The following ZNF445 variants were observed in gnomAD, a reference collection of about 807,000 sequenced individuals.
ZNF445 encodes zinc finger protein 445, also known as zinc finger protein 168.
A neutral mutation model predicts 93.9 loss-of-function variants in ZNF445; 19 were observed. The observed-to-expected ratio is 0.20, with a 90% CI of 0.14 to 0.30. The LOEUF (loss-of-function observed/expected upper bound fraction) is 0.30. Among genes scored for constraint, ZNF445 ranks in the 10% least tolerant of loss-of-function variants. The pLI is 1.00. For missense variants in ZNF445, 1,058 were observed against 1,259.4 expected (o/e 0.84, Z 2.42); for synonymous variants, 449 against 446.3 (o/e 1.01, Z -0.08).
chr3:44,443,857 G>C lies in ZNF445; in HGVS notation c.*2718C>G, dbSNP rs955212395. The C allele has an allele frequency of 2.6e-5, 4 of 152,086 alleles. No homozygotes were observed. Among genetic ancestry groups the C allele is most frequent in the African/African-American group, 9.7e-5 (4 of 41,402 alleles). The allele number at this position is 152,086 out of a possible 1,614,324, so 9.4% of individuals were successfully genotyped here. ...CACATTTCATTCTATAAAAATGACA[G>C]GTCAGGCACAGTGGCTCACGCCTGT... On this transcript the variant is annotated 3_prime_UTR_variant, in exon 8 of 8. Transcript: ENST00000396077.
intron 1 of ZNF445, among the ~76,000 whole-genome samples, chr3:44,466,930 T>C (rs1290034016): frequency 6.6e-6 from 1 of 152,226 alleles, no homozygotes; most frequent in African/African-American, 2.4e-5. Context: ...GTAACCAAAA[T>C]TCCTAGTCAA....
chr3:44,474,359 A>T (rs1698312831), intron 1 of ZNF445, among the ~76,000 whole-genome samples: 1 of 152,146 alleles, frequency 6.6e-6, no homozygotes, highest in South Asian at 2.1e-4. Context: ...TACTAAAAAT[A>T]CAAAATTAGC....
intron 1 of ZNF445, among the ~76,000 whole-genome samples, chr3:44,475,927 A>G (rs1698344718): frequency 6.6e-6 from 1 of 152,192 alleles, no homozygotes; most frequent in African/African-American, 2.4e-5. Context: ...TGAACCCAGG[A>G]GGCGGAGGCT....
intron 2 of ZNF445, 96 bp from the exon 3 acceptor site, chr3:44,455,792 T>C: frequency 2.1e-6 from 1 of 467,752 alleles, no homozygotes; most frequent in Non-Finnish European, 3.8e-6. Context: ...GAAGAGCGTT[T>C]GCACAAAGGT....
chr3:44,452,312 C>T (rs954153530), intron 3 of ZNF445, among the ~76,000 whole-genome samples: 3 of 145,520 alleles, frequency 2.1e-5, no homozygotes, highest in African/African-American at 7.7e-5. Context: ...GAACTGACCA[C>T]AATAATTTAT....
At position 44,475,253 on chromosome 3, in the gene ZNF445, C is replaced by T. The variant is rs190263200; in HGVS notation, c.-269+2338G>A. Among the ~76,000 whole-genome samples, 8 of 152,188 alleles carry T rather than the reference C, an allele frequency of 5.3e-5. No homozygotes were observed. In the South Asian group the frequency reaches 6.2e-4, roughly 12 times the overall value. On this transcript the variant is annotated intron_variant, in intron 1 of 7. Transcript: ENST00000396077. ...CACTCTTGTTGCCCAGGCTGGAGTA[C>T]GATGGCGTGACCTCCACTCACTGCA...
chr3:44,470,470 G>A (rs1294675368), intron 1 of ZNF445, among the ~76,000 whole-genome samples: 1 of 152,088 alleles, frequency 6.6e-6, no homozygotes, highest in Admixed American at 6.6e-5. Flanking sequence ...GGGGTAGGAA[G>A]GTAGAGAATT....
At chr3:44,473,492 A>ACACACACACACACACACACACACAC (rs1559400839) in intron 1 of ZNF445, among the ~76,000 whole-genome samples, 1 of 89,032 alleles carries the variant, frequency 1.1e-5, no homozygotes, top group Non-Finnish European at 2.6e-5. Context: ...CACACACACA[A>ACACACACACACACACACACACACAC]AAAATGCTTT....
chr3:44,466,092 A>G (rs149439909), intron 1 of ZNF445, among the ~76,000 whole-genome samples: 13 of 152,298 alleles, frequency 8.5e-5, no homozygotes, highest in Admixed American at 2.0e-4. Flanking sequence ...AAATGGAGAG[A>G]AGAGAGATTC....
Position 44,455,073 on chromosome 3 carries a change from C to T in ZNF445, c.429+48G>A, listed in dbSNP as rs370781931. ...ACCCCCATCCCCAGACAAGCTGGCT[C>T]ACTAGCAGGCAGAGTTCCCTGGGCA... On this transcript the variant is annotated intron_variant, in intron 3 of 7. Coordinates refer to ENST00000396077, the MANE Select transcript of ZNF445 (RefSeq NM_181489.6). 1.2e-5 allele frequency: 19 copies of T among 1,611,548 alleles called. No individual in the cohort carries two copies. The African/African-American group carries it at 1.7e-4, about 15-fold the overall frequency.
chr3:44,469,201 C>G (rs747443800), intron 1 of ZNF445, among the ~76,000 whole-genome samples: 6 of 152,170 alleles, frequency 3.9e-5, no homozygotes, highest in African/African-American at 7.2e-5. Context: ...AAGGAAGAGA[C>G]AGTGTATGAC....
chr3:44,458,641 T>G (rs1698064920), intron 1 of ZNF445, among the ~76,000 whole-genome samples: 1 of 152,150 alleles, frequency 6.6e-6, no homozygotes, highest in South Asian at 2.1e-4. Flanking sequence ...TTGGTGCGTT[T>G]TAGGCCTCAG....
rs1346238795 is a variant in ZNF445, at chr3:44,439,840, T to G, written c.*6735A>C. The G allele has an allele frequency of 2.0e-5, 3 of 152,306 alleles. No individual in the cohort carries two copies. The allele number at this position is 152,306 out of a possible 1,614,324, so 9.4% of individuals were successfully genotyped here. The stretch of plus-strand genomic sequence containing the variant: ...AGCAAAGCGGGCACCCACGCCAGTC[T>G]GTTGGGCTTCAGTGAAAGGACGAAC... On this transcript the variant is annotated 3_prime_UTR_variant, in exon 8 of 8. Coordinates refer to ENST00000396077, the MANE Select transcript of ZNF445 (RefSeq NM_181489.6).
chr3:44,450,275 T>G, intron 6 of ZNF445, 172 bp downstream of exon 6: 1 of 742,826 alleles, frequency 1.3e-6, no homozygotes. Context: ...ATGGCAGGCA[T>G]TATTCTCCCC....
Position 44,447,278 on chromosome 3 carries a change from G to A in ZNF445, c.2393C>T (p.Ala798Val). The change falls in exon 8 of 8, where the codon GCC becomes GTC. Residue 798 changes from alanine to valine, a missense_variant. Ala to Val is a moderately conservative substitution (Grantham distance 64). Transcript: ENST00000396077. The surrounding 1 kb of genome is among the most constrained non-coding windows in gnomAD (Gnocchi z 4.7). ...GTAGAGATTGGAACTCCATCTGAAGGCTTTCCCACACTCCCTGCACTTATA... is the reference window on the plus strand; with the variant it reads ...GTAGAGATTGGAACTCCATCTGAAGACTTTCCCACACTCCCTGCACTTATA... ...KPYKCRECGK[A>V]FRWSSNLYRH... 2 of 1,614,080 alleles carry A rather than the reference G, an allele frequency of 1.2e-6. No individual in the cohort carries two copies. Among genetic ancestry groups the A allele is most frequent in the South Asian group, 2.2e-5 (2 of 91,080 alleles).
At chr3:44,470,881 G>A (rs58736262) in intron 1 of ZNF445, among the ~76,000 whole-genome samples, 1,919 of 152,146 alleles carry the variant, frequency 0.013, 52 homozygotes, top group African/African-American at 0.044. Flanking sequence ...CATGGCTTCA[G>A]CTCAAGCAAC....
chr3:44,455,061 G>C (rs768016066), intron 3 of ZNF445, 60 bp downstream of exon 3: 1 of 1,606,818 alleles, frequency 6.2e-7, no homozygotes, highest in Admixed American at 1.7e-5. Context: ...CCCATCCCCA[G>C]ACAAGCTGGC....
intron 1 of ZNF445, among the ~76,000 whole-genome samples, chr3:44,474,262 C>T (rs1343495862): frequency 6.6e-6 from 1 of 152,154 alleles, no homozygotes; most frequent in Non-Finnish European, 1.5e-5. Context: ...TGCCTGTAAT[C>T]CTCGCACTCT....
rs1161043733 is a variant in ZNF445 at position 44,435,015 on chromosome 3, C to T, written c.*11560G>A. 1 of 152,184 alleles carries T rather than the reference C, an allele frequency of 6.6e-6. No individual in the cohort carries two copies. The highest frequency in any genetic ancestry group is 1.5e-5 in the Non-Finnish European group (1 of 68,030). 9.4% of individuals were successfully genotyped at this position (152,184 alleles called of 1,614,324 possible). On this transcript the variant is annotated 3_prime_UTR_variant, in exon 8 of 8. Coordinates refer to ENST00000396077, the MANE Select transcript of ZNF445 (RefSeq NM_181489.6). ...TTCAAACCAGTTGAGACTGCCAACC[C>T]TTCAACTGGGCCTGTACACATGCCC...
Sources: gnomAD v4.1 joint callset for allele counts (sites outside exome capture counted in the v4.1 genomes callset) on GRCh38, gnomAD v4.1.1 for gene constraint, Gnocchi (gnomAD v3.1) non-coding constraint, MANE v1.5 for transcripts, NCBI Gene and HGNC (gene_info 2026-07-23, HGNC 2026-07-21) for gene names.